Variants in SUMF2 observed in about 807,000 individuals in gnomAD.
The protein encoded by SUMF2 is sulfatase modifying factor 2.
SUMF2 carries 45 observed loss-of-function variants against 44.8 expected under a neutral mutation model. The observed-to-expected ratio is 1.00, with a 90% confidence interval of 0.79 to 1.29. The LOEUF is 1.29. Among genes scored for constraint, SUMF2 ranks in the 50% most tolerant of loss-of-function variants. The pLI is 0.00. For synonymous variants in SUMF2, 148 were observed against 150.4 expected, an observed-to-expected ratio of 0.98 and a Z score of 0.12; for missense variants, 418 against 389.9, an observed-to-expected ratio of 1.07 and a Z score of -0.61.
chr7:56,069,340 C>T (rs1795016864), intron 2 of SUMF2, among the ~76,000 whole-genome samples: 1 of 151,986 alleles, frequency 6.6e-6, no homozygotes, highest in African/African-American at 2.4e-5. Flanking sequence ...TGTGCTGGCT[C>T]ACACCTGCAA....
chr7:56,070,293 C>T (rs1795074150), intron 2 of SUMF2, among the ~76,000 whole-genome samples: 1 of 151,896 alleles, frequency 6.6e-6, no homozygotes, highest in South Asian at 2.1e-4. Flanking sequence ...AACAATAACA[C>T]CTGTTACATC....
chr7:56,069,853 G>A (rs1031660774), intron 2 of SUMF2, among the ~76,000 whole-genome samples: 10 of 151,854 alleles, frequency 6.6e-5, no homozygotes, highest in African/African-American at 2.4e-4. Flanking sequence ...CAAAATGCTG[G>A]GATTATAGGT....
At position 56,077,108 on chromosome 7, in the gene SUMF2, G is replaced by A. The variant is rs531734818; in HGVS notation, c.591+219G>A. 2.7e-5 allele frequency among the ~76,000 whole-genome samples: 4 copies of A among 149,304 alleles called. No homozygotes were observed. In the Admixed American group the frequency reaches 2.7e-4, roughly 10 times the overall value. ...GTTGCCCACGCTGGAGTGCAGTGGT[G>A]CGATCTTGGCTCACTGCAACCTCCG... On this transcript the variant is annotated intron_variant, in intron 6 of 8. Coordinates refer to ENST00000434526, the MANE Select transcript of SUMF2 (RefSeq NM_015411.4).
chr7:56,078,466 C>T lies in SUMF2; in HGVS notation c.779C>T (p.Thr260Ile). 6.3e-7 allele frequency: 1 copy of T among 1,599,826 alleles called. No individual in the cohort carries two copies. The highest frequency in any genetic ancestry group is 1.1e-5 in the South Asian group (1 of 89,254). ...CTCCGGGGGGCATCCTGGATCGACA[C>T]AGCTGATGGCTCTGCCAATCACCGG... ...RVLRGASWID[T>I]ADGSANHRAR... is the part of the protein sequence containing the mutation. Residue 260 changes from threonine to isoleucine, a missense_variant, in exon 8 of 9, where the codon ACA (threonine) becomes ATA (isoleucine). Transcript: ENST00000434526.
intron 1 of SUMF2, among the ~76,000 whole-genome samples, chr7:56,066,644 G>C (rs1794821458): frequency 6.6e-6 from 1 of 152,162 alleles, no homozygotes; most frequent in South Asian, 2.1e-4. Context: ...CTTTGAGACG[G>C]AGTCTCGCTC....
intron 5 of SUMF2, among the ~76,000 whole-genome samples, chr7:56,075,796 C>T (rs1038485437): frequency 6.6e-6 from 1 of 152,118 alleles, no homozygotes; most frequent in African/African-American, 2.4e-5. Context: ...AAAAGCAACT[C>T]CGCACATTAA....
chr7:56,082,398 G>C, downstream of SUMF2: 1 of 606,254 alleles, frequency 1.6e-6, no homozygotes, highest in South Asian at 2.0e-5. Flanking sequence ...TTCGAGACCA[G>C]CCTGGCCAAC....
chr7:56,072,224 G>A (rs923715684), intron 2 of SUMF2, among the ~76,000 whole-genome samples: 2 of 151,956 alleles, frequency 1.3e-5, no homozygotes, highest in South Asian at 4.1e-4. Flanking sequence ...TTAGGAGTTC[G>A]AGACCAGCCT....
At chr7:56,086,426 A>G in the SUMF2 span, among the ~76,000 whole-genome samples, 1 of 152,206 alleles carries the variant, frequency 6.6e-6, no homozygotes, top group East Asian at 1.9e-4. Context: ...TAATCCCAGC[A>G]CTTTGGGAGG....
chr7:56,086,946 C>T, the SUMF2 span: 52 of 1,600,356 alleles, frequency 3.2e-5, 1 homozygote, highest in South Asian at 5.7e-4. Flanking sequence ...TCAGGTGTGG[C>T]TTGCTCCAGT....
At chr7:56,081,073 A>T, downstream of SUMF2, 2 of 1,602,482 alleles carry the variant, frequency 1.2e-6, no homozygotes, top group Non-Finnish European at 1.7e-6. The surrounding 1 kb of genome is among the most constrained non-coding windows in gnomAD (Gnocchi z 4.6). Flanking sequence ...CTCCTCGGCC[A>T]GGGAGAGGAG....
intron 5 of SUMF2, 87 bp downstream of exon 5, chr7:56,074,823 C>T (rs922402292): frequency 3.1e-5 from 48 of 1,551,132 alleles, no homozygotes; most frequent in Non-Finnish European, 3.8e-5. Flanking sequence ...AGGGGCTGGG[C>T]GCAGTGGCTT....
chr7:56,084,119 G>GC (rs1338031929), downstream of SUMF2: 3 of 1,242,428 alleles, frequency 2.4e-6, no homozygotes, highest in Non-Finnish European at 3.4e-6. Context: ...GAAGCAATGG[G>GC]CCCCGAGCTG....
At chr7:56,078,749 G>A (rs1403767084) in intron 8 of SUMF2, among the ~76,000 whole-genome samples, 1 of 152,172 alleles carries the variant, frequency 6.6e-6, no homozygotes, top group African/African-American at 2.4e-5. Context: ...TGGTACCCAG[G>A]GAGACTGTGT....
Position 56,073,103 on chromosome 7 carries a change from C to G in SUMF2, c.331C>G (p.Pro111Ala). Residue 111 changes from proline (P) to alanine (A), a missense_variant, in exon 3 of 9, where the codon CCA becomes GCA. Physicochemically the swap from Pro to Ala is conservative, Grantham distance 27. Coordinates refer to ENST00000434526, the MANE Select transcript of SUMF2 (RefSeq NM_015411.4). ...SDELRNKATQ[P>A]MKSVLWWLPV... is the part of the protein sequence containing the mutation. ...TGAGCTGAGAAACAAAGCCACCCAG[C>G]CAATGAAGGTGAGAGAACCTGGTCT... The G allele has an allele frequency of 6.2e-7, 1 of 1,613,644 alleles. No homozygotes were observed.
At chr7:56,081,424 G>C (rs1239374161), downstream of SUMF2, 19 of 1,327,780 alleles carry the variant, frequency 1.4e-5, no homozygotes, top group Non-Finnish European at 1.9e-5. This position sits in a 1 kb window ranked among gnomAD's most constrained non-coding sequence, Gnocchi z 4.6. Flanking sequence ...GGCCTTCCTA[G>C]TGTCCCCCAC....
intron 2 of SUMF2, among the ~76,000 whole-genome samples, chr7:56,070,925 T>C (rs1795115473): frequency 6.6e-6 from 1 of 152,174 alleles, no homozygotes; most frequent in Non-Finnish European, 1.5e-5. Context: ...TACTGTATGA[T>C]TCAAGTTATA....
rs1300316955 is a variant in SUMF2, at chr7:56,079,241, TAGTC to T, written c.822-285_822-282del. 4 of 536,598 alleles carry T rather than the reference TAGTC, an allele frequency of 7.5e-6. No individual in the cohort carries two copies. In the Admixed American group the frequency reaches 1.3e-4, roughly 18 times the overall value. The allele number at this position is 536,598 out of a possible 1,614,324, so 33.2% of individuals were successfully genotyped here. A position where few individuals can be genotyped will look rare whatever the true frequency, so the allele number is the denominator to read the frequency against. ...TGTTGTCAACTGCTAACATAGAAGT[TAGTC>T]ACTGTCTTTTCTGCTCTTCAGTGCT... On this transcript the variant is annotated intron_variant, in intron 8 of 8. Coordinates refer to ENST00000434526, the MANE Select transcript of SUMF2 (RefSeq NM_015411.4).
chr7:56,070,144 G>A (rs1795065152), intron 2 of SUMF2, among the ~76,000 whole-genome samples: 1 of 151,874 alleles, frequency 6.6e-6, no homozygotes, highest in South Asian at 2.1e-4. Context: ...CTTGACCTCA[G>A]GTGATCCACC....
Sources: gnomAD v4.1 joint callset for allele counts (sites outside exome capture counted in the v4.1 genomes callset) on GRCh38, gnomAD v4.1.1 for gene constraint, Gnocchi (gnomAD v3.1) non-coding constraint, MANE v1.5 for transcripts, NCBI Gene and HGNC (gene_info 2026-07-23, HGNC 2026-07-21) for gene names.